The following NRXN3 variants were observed in gnomAD, a reference collection of about 807,000 sequenced individuals.
The protein encoded by NRXN3 is neurexin 3.
In NRXN3, 32 loss-of-function variants were observed where a neutral mutation model predicts 137.6. That is an observed-to-expected ratio of 0.23 (90% CI 0.18 to 0.31). The LOEUF is 0.31. Ranked by LOEUF, NRXN3 falls within the 10% of genes least tolerant of loss-of-function variation. The pLI, the probability that NRXN3 is intolerant of heterozygous loss-of-function variation, is 1.00. For synonymous variants in NRXN3, 798 were observed against 784.5 expected, an observed-to-expected ratio of 1.02 and a Z score of -0.29; for missense variants, 1,574 against 2,062.5, an observed-to-expected ratio of 0.76 and a Z score of 4.59.
At chr14:79,459,686 A>T (rs1165339889) in intron 15 of NRXN3, among the ~76,000 whole-genome samples, 1 of 152,062 alleles carries the variant, frequency 6.6e-6, no homozygotes, top group Non-Finnish European at 1.5e-5. Context: ...TTGAAATATT[A>T]TACTGTATAC....
At position 79,459,879 on chromosome 14, in the gene NRXN3, C is replaced by T. The variant is rs10142832; in HGVS notation, c.3263-7342C>T. The stretch of plus-strand genomic sequence containing the variant: ...AAGCAAGAGGGAATTTGAGTGTGTC[C>T]GTGGAAGCTTTATTTTTAGGTCAAT... On this transcript the variant is annotated intron_variant, in intron 15 of 20. Coordinates refer to ENST00000335750, the MANE Select transcript of NRXN3 (RefSeq NM_001330195.2). Among the ~76,000 whole-genome samples, 420 of 152,002 alleles carry T rather than the reference C, an allele frequency of 2.8e-3. 4 individuals carry two copies. The highest frequency in any genetic ancestry group is 9.9e-3 in the African/African-American group (409 of 41,514).
intron 14 of NRXN3, among the ~76,000 whole-genome samples, chr14:78,987,603 T>C (rs1187364551): frequency 6.6e-6 from 1 of 152,150 alleles, no homozygotes; most frequent in Non-Finnish European, 1.5e-5. Flanking sequence ...ATATAGGGAC[T>C]GTTGGTTTCA....
intron 18 of NRXN3, among the ~76,000 whole-genome samples, chr14:79,693,577 G>A (rs2098724049): frequency 6.6e-6 from 1 of 151,500 alleles, no homozygotes; most frequent in African/African-American, 2.4e-5. Context: ...AAACCTTTTT[G>A]TTTCTTTCAA....
At chr14:78,627,677 AT>A (rs1217171864) in intron 4 of NRXN3, among the ~76,000 whole-genome samples, 4 of 152,238 alleles carry the variant, frequency 2.6e-5, no homozygotes, top group African/African-American at 9.6e-5. Context: ...ATGAACTTAT[AT>A]AAAAATCAGA....
At chr14:78,399,172 T>G (rs1196537327) in intron 4 of NRXN3, among the ~76,000 whole-genome samples, 1 of 152,240 alleles carries the variant, frequency 6.6e-6, no homozygotes, top group Non-Finnish European at 1.5e-5. Flanking sequence ...TGTCATTCTT[T>G]AGATCTCAAG....
chr14:79,360,608 C>G (rs1006371273), intron 15 of NRXN3, among the ~76,000 whole-genome samples: 2 of 152,050 alleles, frequency 1.3e-5, no homozygotes, highest in African/African-American at 4.8e-5. Context: ...AAGACGTGGC[C>G]GAGCAAGCTT....
intron 4 of NRXN3, among the ~76,000 whole-genome samples, chr14:78,466,774 A>C (rs545743433): frequency 1.3e-5 from 2 of 152,270 alleles, no homozygotes; most frequent in Non-Finnish European, 2.9e-5. Context: ...ACTCTTCTCT[A>C]TTTCCTTATC....
chr14:79,835,647 A>G (rs1480576546), intron 20 of NRXN3, among the ~76,000 whole-genome samples: 1 of 152,182 alleles, frequency 6.6e-6, no homozygotes, highest in African/African-American at 2.4e-5. Flanking sequence ...AGAATTGAAT[A>G]GCTACATCTT....
At chr14:78,292,971 T>C (rs934523605) in intron 3 of NRXN3, among the ~76,000 whole-genome samples, 3 of 152,178 alleles carry the variant, frequency 2.0e-5, no homozygotes, top group African/African-American at 4.8e-5. Context: ...TTTTTACCCC[T>C]TCCTCATCTA....
chr14:78,263,105 T>A (rs1334005346), intron 2 of NRXN3, among the ~76,000 whole-genome samples: 1 of 152,176 alleles, frequency 6.6e-6, no homozygotes, highest in African/African-American at 2.4e-5. Context: ...GAAAAGACCT[T>A]TTCTTTTTAA....
At chr14:78,768,399 AAGAG>A (rs2098715842) in intron 8 of NRXN3, among the ~76,000 whole-genome samples, 1 of 152,174 alleles carries the variant, frequency 6.6e-6, no homozygotes, top group African/African-American at 2.4e-5. Flanking sequence ...TATAAGATGG[AAGAG>A]ACATACTATT....
At chr14:78,338,101 A>G (rs1409826745) in intron 4 of NRXN3, among the ~76,000 whole-genome samples, 1 of 152,118 alleles carries the variant, frequency 6.6e-6, no homozygotes, top group Admixed American at 6.5e-5. Flanking sequence ...CTGTCCTCAA[A>G]GACTAAATTA....
intron 15 of NRXN3, among the ~76,000 whole-genome samples, chr14:79,235,308 A>G (rs1294281017): frequency 6.6e-6 from 1 of 152,162 alleles, no homozygotes; most frequent in Non-Finnish European, 1.5e-5. Flanking sequence ...GGGTCAAGCA[A>G]CCTTTATCTC....
intron 14 of NRXN3, among the ~76,000 whole-genome samples, chr14:78,973,455 T>C (rs1468594351): frequency 6.6e-6 from 1 of 152,204 alleles, no homozygotes; most frequent in Non-Finnish European, 1.5e-5. Context: ...TTTCTGGGCA[T>C]TTGGGAGACA....
intron 16 of NRXN3, among the ~76,000 whole-genome samples, chr14:79,522,290 A>C (rs1054755958): frequency 3.3e-5 from 5 of 152,126 alleles, no homozygotes; most frequent in Admixed American, 3.3e-4. Flanking sequence ...TCTAAACTGC[A>C]GAGTGGTATG....
rs139386682 is a variant in NRXN3 at position 79,556,402 on chromosome 14, G to A, written c.3444+89000G>A. Among the ~76,000 whole-genome samples the A allele has an allele frequency of 2.0e-3, 304 of 152,270 alleles. 1 individual carries two copies. The highest frequency in any genetic ancestry group is 7.0e-3 in the African/African-American group (289 of 41,554). ...CATAAGCATTTTGAGTACCTATTATGTTTTAGTCATTATGGTAGAAACATG... is the reference window on the plus strand; with the variant it reads ...CATAAGCATTTTGAGTACCTATTATATTTTAGTCATTATGGTAGAAACATG... On this transcript the variant is annotated intron_variant, in intron 16 of 20. Coordinates refer to ENST00000335750, the MANE Select transcript of NRXN3 (RefSeq NM_001330195.2).
rs551158574 is a variant in NRXN3 at position 79,592,398 on chromosome 14, C to T, written c.3445-71380C>T. Among the ~76,000 whole-genome samples, 3 of 152,184 alleles carry T rather than the reference C, an allele frequency of 2.0e-5. No individual in the cohort carries two copies. In the East Asian group the frequency reaches 5.8e-4, roughly 29 times the overall value. ...TTTGTCTACTGTAATAAAATATTTCCAGTCTTCTCTGTTTTTGCATTCTTC... is the reference window on the plus strand; with the variant it reads ...TTTGTCTACTGTAATAAAATATTTCTAGTCTTCTCTGTTTTTGCATTCTTC... On this transcript the variant is annotated intron_variant, in intron 16 of 20. Transcript: ENST00000335750.
chr14:79,605,250 G>A (rs1477780190), intron 16 of NRXN3, among the ~76,000 whole-genome samples: 1 of 152,112 alleles, frequency 6.6e-6, no homozygotes, highest in East Asian at 1.9e-4. Context: ...CGTCAGCCTT[G>A]ATAATTGTCC....
intron 4 of NRXN3, among the ~76,000 whole-genome samples, chr14:78,453,257 C>A (rs2094593847): frequency 6.6e-6 from 1 of 152,180 alleles, no homozygotes; most frequent in African/African-American, 2.4e-5. Context: ...CAAGAGACAA[C>A]AAAATTATAT....
Sources: gnomAD v4.1 joint callset for allele counts (sites outside exome capture counted in the v4.1 genomes callset) on GRCh38, gnomAD v4.1.1 for gene constraint, MANE v1.5 for transcripts, NCBI Gene and HGNC (gene_info 2026-07-23, HGNC 2026-07-21) for gene names.